Variants in TLN2 observed in about 807,000 individuals in gnomAD.
TLN2 encodes talin 2.
TLN2 carries 118 observed loss-of-function variants against 294.7 expected under a neutral mutation model. The observed-to-expected ratio is 0.40, with a 90% CI of 0.34 to 0.47. The LOEUF (loss-of-function observed/expected upper bound fraction) is 0.47. Among genes scored for constraint, TLN2 ranks in the 20% least tolerant of loss-of-function variants. The probability of loss-of-function intolerance (pLI) is 0.84; values close to 1 mark genes in which losing one functional copy is unlikely to be tolerated. For synonymous variants in TLN2, 1,431 were observed against 1,304.5 expected, an observed-to-expected ratio of 1.10 and a Z score of -2.09; for missense variants, 3,083 against 3,282.2, an observed-to-expected ratio of 0.94 and a Z score of 1.48.
chr15:62,436,007 T>C (rs1358178917), intron 1 of TLN2, among the ~76,000 whole-genome samples: 1 of 152,266 alleles, frequency 6.6e-6, no homozygotes, highest in Admixed American at 6.5e-5. Context: ...ATGATATCAC[T>C]GTTGCCTGCC....
At chr15:62,817,814 CTT>C (rs1179496167) in intron 52 of TLN2, among the ~76,000 whole-genome samples, 2,737 of 115,482 alleles carry the variant, frequency 0.024, 20 homozygotes, top group Admixed American at 0.03. Flanking sequence ...TCCATTCTAT[CTT>C]TTTTTTTTTT....
chr15:62,629,495 T>C (rs769063623), intron 3 of TLN2, among the ~76,000 whole-genome samples: 1 of 152,230 alleles, frequency 6.6e-6, no homozygotes, highest in Non-Finnish European at 1.5e-5. Flanking sequence ...AATTTTGTTT[T>C]TAAAGCTTTT....
intron 1 of TLN2, among the ~76,000 whole-genome samples, chr15:62,561,765 C>T (rs1414501214): frequency 2.0e-5 from 3 of 152,114 alleles, no homozygotes; most frequent in South Asian, 2.1e-4. Context: ...CTTCCCTTTC[C>T]GACTCCCTGG....
chr15:62,727,023 T>G (rs912873585), intron 27 of TLN2, 64 bp from the exon 28 acceptor site: 10 of 1,526,788 alleles, frequency 6.5e-6, no homozygotes, highest in Non-Finnish European at 8.1e-6. Flanking sequence ...TTCTAAATTA[T>G]TTTAAGACCT....
chr15:62,478,810 G>C (rs1422076140), intron 1 of TLN2, among the ~76,000 whole-genome samples: 1 of 152,214 alleles, frequency 6.6e-6, no homozygotes. Flanking sequence ...CGCAGTTCTA[G>C]TGTCTTAGGT....
intron 1 of TLN2, among the ~76,000 whole-genome samples, chr15:62,461,293 C>T (rs2036791741): frequency 6.6e-6 from 1 of 151,934 alleles, no homozygotes; most frequent in Non-Finnish European, 1.5e-5. Context: ...CCAGTGTGTC[C>T]TCTTGTTTCT....
chr15:62,534,906 C>T (rs1406462853), intron 1 of TLN2, among the ~76,000 whole-genome samples: 1 of 152,190 alleles, frequency 6.6e-6, no homozygotes, highest in Non-Finnish European at 1.5e-5. Flanking sequence ...CTTCTCTACA[C>T]AGAATTAGGA....
chr15:62,588,948 G>T (rs890385292), intron 1 of TLN2, among the ~76,000 whole-genome samples: 1 of 151,740 alleles, frequency 6.6e-6, no homozygotes, highest in African/African-American at 2.4e-5. Context: ...AGAGAGAGAT[G>T]TAGAGTTTTC....
intron 52 of TLN2, among the ~76,000 whole-genome samples, chr15:62,811,161 G>A (rs1471440867): frequency 6.6e-6 from 1 of 152,182 alleles, no homozygotes; most frequent in African/African-American, 2.4e-5. Flanking sequence ...AACATTTTAG[G>A]TCATTTAAGG....
chr15:62,447,171 GTTTA>G (rs1249882204), intron 1 of TLN2, among the ~76,000 whole-genome samples: 2 of 31,602 alleles, frequency 6.3e-5, no homozygotes, highest in Non-Finnish European at 2.6e-4. Context: ...TTATTTATTT[GTTTA>G]TTTATTTATT....
intron 2 of TLN2, among the ~76,000 whole-genome samples, chr15:62,599,400 G>T (rs1240587617): frequency 5.3e-5 from 8 of 152,294 alleles, no homozygotes; most frequent in East Asian, 3.9e-4. Context: ...TTGATTGATT[G>T]TAAGGACGGG....
intron 3 of TLN2, among the ~76,000 whole-genome samples, chr15:62,626,332 G>A (rs887444981): frequency 6.6e-6 from 1 of 152,086 alleles, no homozygotes; most frequent in Non-Finnish European, 1.5e-5. Flanking sequence ...CCAAAAGTAG[G>A]TATTTCAGGT....
At chr15:62,781,599 AG>A (rs2064174263) in intron 44 of TLN2, among the ~76,000 whole-genome samples, 2 of 152,202 alleles carry the variant, frequency 1.3e-5, no homozygotes, top group Non-Finnish European at 2.9e-5. Flanking sequence ...GAAGGACTTG[AG>A]GTGTTTTTAG....
At chr15:62,597,647 C>T (rs1047784010) in intron 2 of TLN2, among the ~76,000 whole-genome samples, 8 of 152,188 alleles carry the variant, frequency 5.3e-5, no homozygotes, top group African/African-American at 1.9e-4. Flanking sequence ...GTGATTACTA[C>T]AGCTTGAGCA....
At chr15:62,562,832 A>G (rs2043073046) in intron 1 of TLN2, among the ~76,000 whole-genome samples, 1 of 151,136 alleles carries the variant, frequency 6.6e-6, no homozygotes, top group Admixed American at 6.6e-5. Flanking sequence ...CATTTAGAAT[A>G]ATAGTCTCCA....
chr15:62,654,754 C>CAAAAAA (rs59006343), intron 7 of TLN2, among the ~76,000 whole-genome samples: 16 of 33,858 alleles, frequency 4.7e-4, no homozygotes, highest in African/African-American at 1.7e-3. Context: ...GACTCTGCCT[C>CAAAAAA]AAAAAAAAAA....
At chr15:62,697,923 G>T in intron 15 of TLN2, 55 bp downstream of exon 15, 1 of 1,581,318 alleles carries the variant, frequency 6.3e-7, no homozygotes, top group East Asian at 2.3e-5. Flanking sequence ...CCCGCATGCA[G>T]GGTGGACACC....
chr15:62,744,779 CT>C (rs1335502566), intron 32 of TLN2, among the ~76,000 whole-genome samples: 1 of 152,122 alleles, frequency 6.6e-6, no homozygotes, highest in Non-Finnish European at 1.5e-5. Context: ...AACTCCTGAC[CT>C]AGTGATCCAC....
rs566127104 is a variant in TLN2 at position 62,841,056 on chromosome 15, C to G, written c.*446C>G. Reference sequence around the variant, plus strand: ...GGAGAAGACGGAAGCTGGAGTTGGACATGGTTCATAAAAGCCAGAAACACA... The same window carrying G: ...GGAGAAGACGGAAGCTGGAGTTGGAGATGGTTCATAAAAGCCAGAAACACA... On this transcript the variant is annotated 3_prime_UTR_variant, in exon 59 of 59. Coordinates refer to ENST00000636159, the MANE Select transcript of TLN2 (RefSeq NM_015059.3). 1 of 153,396 alleles carries G rather than the reference C, an allele frequency of 6.5e-6. No individual in the cohort carries two copies. The highest frequency in any genetic ancestry group is 2.4e-5 in the African/African-American group (1 of 41,576). 9.5% of individuals were successfully genotyped at this position (153,396 alleles called of 1,614,324 possible).
Sources: allele counts gnomAD v4.1 joint callset (sites outside exome capture counted in the v4.1 genomes callset), GRCh38; gene constraint gnomAD v4.1.1; transcripts MANE v1.5; gene names NCBI Gene and HGNC (gene_info 2026-07-23, HGNC 2026-07-21).